The following RPH3A variants were observed in gnomAD, a reference collection of about 807,000 sequenced individuals.
The protein encoded by RPH3A is rabphilin-3A.
In RPH3A, 48 loss-of-function variants were observed where a neutral mutation model predicts 102.2. The ratio of observed to expected loss-of-function variants is 0.47; its 90% CI spans 0.37 to 0.60. The LOEUF (loss-of-function observed/expected upper bound fraction) is 0.60, where lower values mean the gene tolerates loss of function less well. Ranked by LOEUF, RPH3A falls within the 20% of genes least tolerant of loss-of-function variation. The pLI is 0.00. For missense variants in RPH3A, 781 were observed against 910.1 expected (o/e 0.86, Z 1.83); for synonymous variants, 310 against 324.3 (o/e 0.96, Z 0.47).
rs550563814 is a variant in RPH3A, at chr12:112,732,453, G to A, written c.-139-59690G>A. On this transcript the variant is annotated intron_variant, in intron 1 of 21. Transcript: ENST00000543106. ...AATTCCTACTTTCTGGGGTTGTAGT[G>A]AGAATTTGATGAGTCCATACATGTG... Among the ~76,000 whole-genome samples, 5 of 152,318 alleles carry A rather than the reference G, an allele frequency of 3.3e-5. No homozygotes were observed. The South Asian group carries it at 1.0e-3, about 32-fold the overall frequency.
chr12:112,810,394 G>A (rs1351230847), intron 2 of RPH3A, among the ~76,000 whole-genome samples: 1 of 152,138 alleles, frequency 6.6e-6, no homozygotes, highest in Non-Finnish European at 1.5e-5. Flanking sequence ...CATGCTCTGC[G>A]GATGCCGGAG....
At chr12:112,889,938 G>A in intron 17 of RPH3A, 86 bp from the exon 18 acceptor site, 1 of 1,205,946 alleles carries the variant, frequency 8.3e-7, no homozygotes, top group East Asian at 2.3e-5. Flanking sequence ...GATGGTAATG[G>A]AAGTATGAGG....
intron 1 of RPH3A, among the ~76,000 whole-genome samples, chr12:112,782,477 G>A (rs990369871): frequency 6.6e-6 from 1 of 152,194 alleles, no homozygotes; most frequent in Admixed American, 6.5e-5. Flanking sequence ...TGGTCTCTAA[G>A]CTTGGCAAGA....
chr12:112,868,228 T>C (rs553588021), intron 7 of RPH3A: 2 of 518,494 alleles, frequency 3.9e-6, no homozygotes, highest in African/African-American at 3.8e-5. Context: ...ATGGGTAAAC[T>C]GAAGCCCTTT....
At chr12:112,704,943 T>C (rs1384188777) in intron 1 of RPH3A, among the ~76,000 whole-genome samples, 1 of 152,208 alleles carries the variant, frequency 6.6e-6, no homozygotes, top group African/African-American at 2.4e-5. Flanking sequence ...ACCATAAAAA[T>C]GAGACTGGCT....
chr12:112,858,587 A>T (rs778194477), intron 5 of RPH3A, among the ~76,000 whole-genome samples: 1 of 152,176 alleles, frequency 6.6e-6, no homozygotes, highest in Non-Finnish European at 1.5e-5. Context: ...GGGACTTATG[A>T]TGATTATGGC....
At chr12:112,681,388 A>G (rs998224184) in intron 1 of RPH3A, among the ~76,000 whole-genome samples, 5 of 152,200 alleles carry the variant, frequency 3.3e-5, no homozygotes, top group Non-Finnish European at 5.9e-5. Flanking sequence ...GGATTGCTTT[A>G]ATATTACTCT....
intron 1 of RPH3A, among the ~76,000 whole-genome samples, chr12:112,738,599 A>G (rs2040685426): frequency 6.6e-6 from 1 of 151,998 alleles, no homozygotes; most frequent in Non-Finnish European, 1.5e-5. Flanking sequence ...TGGGTGTAGA[A>G]GGGGGCGGGA....
In RPH3A at chr12:112,679,166, T is replaced by C. The variant is rs118011694; in HGVS notation, c.-140+103847T>C. ...GTTCCTTTACTTACCACACTTTTTT[T>C]TTTTTGAGACGGAGTCTCATTCTGT... On this transcript the variant is annotated intron_variant, in intron 1 of 21. Coordinates refer to the RPH3A transcript ENST00000543106. Among the ~76,000 whole-genome samples, 4 of 152,248 alleles carry C rather than the reference T, an allele frequency of 2.6e-5. No homozygotes were observed. The East Asian group carries it at 7.7e-4, about 29-fold the overall frequency.
chr12:112,593,232 A>G (rs995025265), intron 1 of RPH3A, among the ~76,000 whole-genome samples: 1 of 152,204 alleles, frequency 6.6e-6, no homozygotes, highest in East Asian at 1.9e-4. Flanking sequence ...CCGGAACCCA[A>G]TCTGCTGGTA....
intron 18 of RPH3A, among the ~76,000 whole-genome samples, 171 bp downstream of exon 18, chr12:112,890,251 C>T (rs1168677274): frequency 6.6e-6 from 1 of 152,194 alleles, no homozygotes; most frequent in African/African-American, 2.4e-5. Context: ...CCTCTCCACA[C>T]CTAAGCCTCT....
intron 1 of RPH3A, among the ~76,000 whole-genome samples, chr12:112,630,141 C>T (rs191749860): frequency 6.6e-6 from 1 of 152,150 alleles, no homozygotes; most frequent in East Asian, 1.9e-4. Flanking sequence ...TCTACCCATC[C>T]ACCCACCCAC....
intron 10 of RPH3A, among the ~76,000 whole-genome samples, chr12:112,872,246 C>T (rs1189351963): frequency 6.6e-6 from 1 of 152,094 alleles, no homozygotes; most frequent in East Asian, 1.9e-4. Context: ...TAAGTCATCC[C>T]AGTGGTGTGA....
At chr12:112,889,434 C>T (rs1739358642) in intron 17 of RPH3A, among the ~76,000 whole-genome samples, 1 of 152,360 alleles carries the variant, frequency 6.6e-6, no homozygotes, top group Non-Finnish European at 1.5e-5. Flanking sequence ...TGATCATCTT[C>T]TTTTGCTCTT....
At chr12:112,644,903 C>T (rs965486614) in intron 1 of RPH3A, among the ~76,000 whole-genome samples, 2 of 152,124 alleles carry the variant, frequency 1.3e-5, no homozygotes, top group Admixed American at 6.5e-5. Flanking sequence ...AAAATCAACA[C>T]GGAGAAAAGC....
At chr12:112,683,009 G>A (rs1485719881) in intron 1 of RPH3A, among the ~76,000 whole-genome samples, 1 of 152,196 alleles carries the variant, frequency 6.6e-6, no homozygotes, top group Non-Finnish European at 1.5e-5. Context: ...CTTTGCATGT[G>A]TGCAATTAAT....
intron 1 of RPH3A, among the ~76,000 whole-genome samples, chr12:112,660,773 C>T (rs572731266): frequency 9.8e-5 from 15 of 152,306 alleles, no homozygotes; most frequent in East Asian, 7.7e-4. Flanking sequence ...TTAAGCAACA[C>T]GCCCACAGCT....
chr12:112,683,381 G>A (rs1432460835), intron 1 of RPH3A, among the ~76,000 whole-genome samples: 1 of 152,172 alleles, frequency 6.6e-6, no homozygotes, highest in Non-Finnish European at 1.5e-5. Context: ...GTGAGTCACA[G>A]GCTAGGTAGG....
chr12:112,831,039 ACTC>A (rs1344109774), intron 3 of RPH3A, among the ~76,000 whole-genome samples: 1 of 150,804 alleles, frequency 6.6e-6, no homozygotes, highest in Non-Finnish European at 1.5e-5. Context: ...CATTGCAACT[ACTC>A]CACTTTCACT....
Sources: gnomAD v4.1 joint callset for allele counts (sites outside exome capture counted in the v4.1 genomes callset) on GRCh38, gnomAD v4.1.1 for gene constraint, MANE v1.5 for transcripts, NCBI Gene and HGNC (gene_info 2026-07-23, HGNC 2026-07-21) for gene names.